MLLT10: variants seen among roughly 807,000 people sequenced by gnomAD.
MLLT10 encodes the protein protein AF-10.
Under a neutral mutation model 129.1 loss-of-function variants are expected in MLLT10, and 30 were observed. That is an observed-to-expected ratio of 0.23 (90% CI 0.17 to 0.32). The LOEUF (loss-of-function observed/expected upper bound fraction) is 0.32. Ranked by LOEUF, MLLT10 falls within the 10% of genes least tolerant of loss-of-function variation. The pLI is 1.00. For missense variants in MLLT10, 1,119 were observed against 1,268.3 expected, an observed-to-expected ratio of 0.88 and a Z score of 1.79; for synonymous variants, 490 against 446.4, an observed-to-expected ratio of 1.10 and a Z score of -1.23.
At chr10:21,686,430 T>C (rs1466944235) in intron 13 of MLLT10, among the ~76,000 whole-genome samples, 2 of 152,184 alleles carry the variant, frequency 1.3e-5, no homozygotes, top group African/African-American at 4.8e-5. Context: ...TTTAAATTTC[T>C]TAAATTTCTC....
At chr10:21,628,740 CTTTTTTTTTTT>C (rs1161362725) in intron 8 of MLLT10, among the ~76,000 whole-genome samples, 4 of 99,352 alleles carry the variant, frequency 4.0e-5, no homozygotes, top group South Asian at 3.1e-4. Context: ...TGTGCCCTGC[CTTTTTTTTTTT>C]TTTTTTTTTT....
chr10:21,731,041 T>A lies in MLLT10; in HGVS notation c.2205T>A (p.Gly735=), dbSNP rs1460443954. ...GACAGCAATTTTTACTAGAACAGGG[T>A]ACTCCTAGTGACAGTAAGTATTCAT... is the stretch of plus-strand genomic sequence containing the variant. ...SEGQQFLLEQ[G]TPSDILGMLK... Residue 735 remains glycine (G), a synonymous_variant, in exon 17 of 23, where the codon GGT becomes GGA. Coordinates refer to ENST00000307729, the MANE Select transcript of MLLT10 (RefSeq NM_001195626.3). 3 of 1,612,536 alleles carry A rather than the reference T, an allele frequency of 1.9e-6. No individual in the cohort carries two copies. Among genetic ancestry groups the A allele is most frequent in the Non-Finnish European group, 2.5e-6 (3 of 1,179,418 alleles).
Position 21,670,665 on chromosome 10 carries a change from CCAGGAACA to C in MLLT10, c.1013_1020del (p.Pro338HisfsTer6), listed in dbSNP as rs778867732. ...AAGAAAGCCTGGTGGTGGAAGAAAT[CCAGGAACA>C]ACTGTGTCAGCAGCTAGCCCTTTTC... On this transcript the variant is annotated frameshift_variant, in exon 10 of 23. Coordinates refer to ENST00000307729, the MANE Select transcript of MLLT10 (RefSeq NM_001195626.3). LOFTEE classifies it high-confidence loss of function. The C allele has an allele frequency of 3.1e-6, 5 of 1,614,098 alleles. No homozygotes were observed. The South Asian group carries it at 5.5e-5, about 18-fold the overall frequency.
intron 3 of MLLT10, among the ~76,000 whole-genome samples, chr10:21,572,419 G>C (rs927220127): frequency 5.3e-5 from 8 of 152,196 alleles, no homozygotes; most frequent in Admixed American, 2.0e-4. Flanking sequence ...TCTTCTCCAA[G>C]AAAGGCTGAT....
chr10:21,691,092 C>T (rs1251954520), intron 13 of MLLT10, among the ~76,000 whole-genome samples: 4 of 152,148 alleles, frequency 2.6e-5, no homozygotes, highest in Non-Finnish European at 4.4e-5. Context: ...AAAGTGCTTG[C>T]TTAGTGAATC....
At chr10:21,712,203 C>CATGTATTTATTTATTT (rs1554860632) in intron 13 of MLLT10, among the ~76,000 whole-genome samples, 1 of 150,132 alleles carries the variant, frequency 6.7e-6, no homozygotes, top group Non-Finnish European at 1.5e-5. Context: ...TCAATAACTT[C>CATGTATTTATTTATTT]ATTTATTTAT....
intron 14 of MLLT10, 132 bp from the exon 15 acceptor site, chr10:21,726,112 G>C (rs765042558): frequency 2.4e-5 from 15 of 612,454 alleles, no homozygotes; most frequent in Non-Finnish European, 3.9e-5. Context: ...AACGAAATTT[G>C]CTTTTCAGAA....
At chr10:21,728,756 G>A (rs2057713142) in intron 16 of MLLT10, among the ~76,000 whole-genome samples, 1 of 152,012 alleles carries the variant, frequency 6.6e-6, no homozygotes, top group Admixed American at 6.6e-5. Flanking sequence ...GGTCAGGCGT[G>A]GTGGCTCATG....
chr10:21,539,667 G>A (rs993543646), intron 3 of MLLT10, among the ~76,000 whole-genome samples: 6 of 152,130 alleles, frequency 3.9e-5, no homozygotes, highest in Non-Finnish European at 8.8e-5. Flanking sequence ...TACTTAGGAG[G>A]CTGAAGCAGG....
chr10:21,732,401 T>C (rs1411858096), intron 17 of MLLT10, among the ~76,000 whole-genome samples: 3 of 152,158 alleles, frequency 2.0e-5, no homozygotes, highest in Non-Finnish European at 4.4e-5. Flanking sequence ...GCTGAGCAGC[T>C]GGGATTAGGG....
rs944642582 is a variant in MLLT10, at chr10:21,724,437, G to GT, written c.1879-1805dup. 4.2e-4 allele frequency among the ~76,000 whole-genome samples: 64 copies of GT among 152,344 alleles called. 1 individual carries two copies. The highest frequency in any genetic ancestry group is 1.5e-3 in the African/African-American group (64 of 41,582). ...GTGTTGTCTTAGTCTCTTGTGTGCA[G>GT]TTATACATATCCAAATGTCCCCCAT... On this transcript the variant is annotated intron_variant, in intron 14 of 22. Transcript: ENST00000307729.
chr10:21,701,092 T>C (rs1050134642), intron 13 of MLLT10, among the ~76,000 whole-genome samples: 2 of 152,196 alleles, frequency 1.3e-5, no homozygotes, highest in Non-Finnish European at 2.9e-5. Context: ...ATCAATTTTC[T>C]CTAGATTTTC....
chr10:21,594,335 A>C (rs2042807115), intron 4 of MLLT10, among the ~76,000 whole-genome samples: 1 of 151,792 alleles, frequency 6.6e-6, no homozygotes, highest in Non-Finnish European at 1.5e-5. Flanking sequence ...GGATCACCTG[A>C]GGTCGGGAGT....
intron 9 of MLLT10, among the ~76,000 whole-genome samples, chr10:21,652,582 GAATA>G (rs1020787771): frequency 1.3e-5 from 2 of 152,178 alleles, no homozygotes; most frequent in African/African-American, 4.8e-5. Context: ...GACTGGGACA[GAATA>G]AATAAGTTGG....
chr10:21,586,168 A>C (rs370231612), intron 3 of MLLT10, 126 bp from the exon 4 acceptor site: 1 of 736,084 alleles, frequency 1.4e-6, no homozygotes, highest in Non-Finnish European at 2.3e-6. Context: ...GTTCTGAAAT[A>C]TTCTTGGGGG....
intron 5 of MLLT10, among the ~76,000 whole-genome samples, chr10:21,609,746 T>C (rs931570670): frequency 6.6e-6 from 1 of 152,242 alleles, no homozygotes; most frequent in African/African-American, 2.4e-5. Context: ...CCTCTGACTT[T>C]ACTTAAATTG....
At chr10:21,626,329 G>A in intron 8 of MLLT10, 1 of 864,658 alleles carries the variant, frequency 1.2e-6, no homozygotes, top group African/African-American at 1.7e-5. Flanking sequence ...GAGAACCAGT[G>A]CAAGGCATTT....
rs1491567414 is a variant in MLLT10, at chr10:21,717,830, TCC to T, written c.1878+3881_1878+3882del. Among the ~76,000 whole-genome samples, 267 of 143,272 alleles carry T rather than the reference TCC, an allele frequency of 1.9e-3. 6 individuals are homozygous for T. Among genetic ancestry groups the T allele is most frequent in the African/African-American group, 6.1e-3 (233 of 37,902 alleles). 94.0% of individuals were successfully genotyped at this position (143,272 alleles called of 152,430 possible). ...CTTCTTCTCCTTCTTCTCCTCCTTC[TCC>T]TCCTCCTTCTCCTCCTCCTTCTCCT... On this transcript the variant is annotated intron_variant, in intron 14 of 22. Transcript: ENST00000307729.
chr10:21,534,445 G>A lies in MLLT10; in HGVS notation c.-76G>A. On this transcript the variant is annotated 5_prime_UTR_variant, in exon 1 of 23. Transcript: ENST00000307729. Reference sequence around the variant, plus strand: ...GAGGAGGCGGAGGAGGCGGTGGAGGGGAGGTGGGGGGAATCAGCAAGGACA... The same window carrying A: ...GAGGAGGCGGAGGAGGCGGTGGAGGAGAGGTGGGGGGAATCAGCAAGGACA... 1 of 499,364 alleles carries A rather than the reference G, an allele frequency of 2.0e-6. No individual in the cohort carries two copies. The highest frequency in any genetic ancestry group is 3.5e-6 in the Non-Finnish European group (1 of 284,940). The allele number at this position is 499,364 out of a possible 1,614,324, so 30.9% of individuals were successfully genotyped here.
Sources: gnomAD v4.1 joint callset for allele counts (sites outside exome capture counted in the v4.1 genomes callset) on GRCh38, gnomAD v4.1.1 for gene constraint, MANE v1.5 for transcripts, NCBI Gene and HGNC (gene_info 2026-07-23, HGNC 2026-07-21) for gene names.